Variants in TRMT11 observed in about 807,000 individuals in gnomAD.
TRMT11 encodes the protein tRNA (guanine(10)-N(2))-methyltransferase TRMT11.
TRMT11 carries 53 observed loss-of-function variants against 62.8 expected under a neutral mutation model. That is an observed-to-expected ratio of 0.84 (90% CI 0.68 to 1.06). The LOEUF (loss-of-function observed/expected upper bound fraction) is 1.06, where lower values mean the gene tolerates loss of function less well. TRMT11 is among the 50% of genes least tolerant of loss of function. The pLI is 0.00. For synonymous variants in TRMT11, 188 were observed against 190.3 expected, an observed-to-expected ratio of 0.99 and a Z score of 0.10; for missense variants, 556 against 553.4, an observed-to-expected ratio of 1.00 and a Z score of -0.05.
At chr6:126,198,303 T>TA (rs1444984760) in intron 1 of TRMT11, among the ~76,000 whole-genome samples, 1 of 152,158 alleles carries the variant, frequency 6.6e-6, no homozygotes, top group East Asian at 1.9e-4. Context: ...AAAACAAGCA[T>TA]AAGAACTACT....
At chr6:126,138,099 A>G (rs1044040735) in intron 21 of TRMT11, among the ~76,000 whole-genome samples, 1 of 151,930 alleles carries the variant, frequency 6.6e-6, no homozygotes, top group Admixed American at 6.6e-5. Context: ...CAAAATAGCT[A>G]GAAAAGAAGA....
intron 17 of TRMT11, among the ~76,000 whole-genome samples, chr6:126,067,885 C>T (rs945320170): frequency 6.6e-6 from 1 of 152,136 alleles, no homozygotes; most frequent in African/African-American, 2.4e-5. Flanking sequence ...GGTAGGTGTA[C>T]ACTACTTTTG....
chr6:126,248,378 T>C, the TRMT11 span, among the ~76,000 whole-genome samples: 1 of 152,142 alleles, frequency 6.6e-6, no homozygotes, highest in Non-Finnish European at 1.5e-5. Context: ...AGCAACTTTC[T>C]CTCAAATTGT....
intron 17 of TRMT11, among the ~76,000 whole-genome samples, chr6:126,074,147 A>G (rs943150198): frequency 2.0e-5 from 3 of 152,204 alleles, no homozygotes; most frequent in Non-Finnish European, 4.4e-5. Flanking sequence ...TCTTTTGGAT[A>G]TTAATATTAG....
intron 16 of TRMT11, among the ~76,000 whole-genome samples, chr6:126,046,766 G>A (rs924142161): frequency 6.6e-6 from 1 of 152,146 alleles, no homozygotes; most frequent in Non-Finnish European, 1.5e-5. Flanking sequence ...CATGACCACA[G>A]GTCAACTTGT....
At chr6:126,063,193 T>G (rs529399750) in intron 17 of TRMT11, among the ~76,000 whole-genome samples, 203 of 152,348 alleles carry the variant, frequency 1.3e-3, no homozygotes, top group African/African-American at 4.7e-3. Flanking sequence ...TCTAGTGATA[T>G]GTATTTTATG....
At chr6:126,174,408 G>A (rs1221546994), upstream of TRMT11, among the ~76,000 whole-genome samples, 1 of 152,118 alleles carries the variant, frequency 6.6e-6, no homozygotes, top group African/African-American at 2.4e-5. Context: ...CATCTGCTGG[G>A]CTACCATGCC....
the TRMT11 span, among the ~76,000 whole-genome samples, chr6:126,226,609 A>T: frequency 6.6e-6 from 1 of 152,236 alleles, no homozygotes; most frequent in African/African-American, 2.4e-5. Flanking sequence ...TAATAGAATA[A>T]TGCTTTTTGG....
intron 17 of TRMT11, among the ~76,000 whole-genome samples, chr6:126,078,247 G>A (rs912833272): frequency 3.3e-5 from 5 of 152,148 alleles, no homozygotes; most frequent in South Asian, 2.1e-4. Flanking sequence ...AAATTTAGGC[G>A]AAAAGATAGC....
intron 17 of TRMT11, among the ~76,000 whole-genome samples, chr6:126,086,920 C>T (rs895995584): frequency 1.3e-5 from 2 of 152,120 alleles, no homozygotes; most frequent in Non-Finnish European, 2.9e-5. Flanking sequence ...CCCATAGCTC[C>T]CTGTGCATAC....
At chr6:126,210,827 C>T in the TRMT11 span, among the ~76,000 whole-genome samples, 4 of 152,182 alleles carry the variant, frequency 2.6e-5, no homozygotes, top group Non-Finnish European at 4.4e-5. Context: ...ATACCTTGCT[C>T]AACTTCATCC....
intron 21 of TRMT11, among the ~76,000 whole-genome samples, chr6:126,126,033 A>G (rs1245230843): frequency 6.6e-6 from 1 of 152,060 alleles, no homozygotes; most frequent in East Asian, 1.9e-4. Flanking sequence ...GCCTCCTTAG[A>G]TGGGCATGGT....
At chr6:126,148,741 A>G (rs1333609594) in intron 21 of TRMT11, among the ~76,000 whole-genome samples, 1 of 152,230 alleles carries the variant, frequency 6.6e-6, no homozygotes, top group Non-Finnish European at 1.5e-5. Flanking sequence ...TATAACCACT[A>G]GATTAGATTG....
chr6:126,033,476 C>T (rs537418527), intron 12 of TRMT11, among the ~76,000 whole-genome samples: 2 of 152,174 alleles, frequency 1.3e-5, no homozygotes, highest in Admixed American at 6.6e-5. Context: ...AATAAGGTCA[C>T]GTTTATATAC....
At chr6:126,075,698 G>T (rs1777002024) in intron 17 of TRMT11, among the ~76,000 whole-genome samples, 1 of 152,144 alleles carries the variant, frequency 6.6e-6, no homozygotes, top group Non-Finnish European at 1.5e-5. Context: ...AGGCTGCTGA[G>T]AAATGGTAAT....
chr6:126,051,156 C>T (rs1374929449), intron 16 of TRMT11, among the ~76,000 whole-genome samples: 1 of 152,102 alleles, frequency 6.6e-6, no homozygotes, highest in East Asian at 1.9e-4. Context: ...CCAAAGAGTG[C>T]ATAAAGCATA....
At chr6:126,185,995 T>C (rs1778522962) in intron 1 of TRMT11, among the ~76,000 whole-genome samples, 1 of 152,178 alleles carries the variant, frequency 6.6e-6, no homozygotes, top group Non-Finnish European at 1.5e-5. Flanking sequence ...ATGGCAACTC[T>C]AATTCAAGAT....
rs77604740 is a variant in TRMT11, at chr6:126,134,644, T to C, written c.*1823+18789T>C. On this transcript the variant is annotated intron_variant and NMD_transcript_variant, in intron 21 of 22. Transcript: ENST00000648977. ...TGACTGTATTGTAGATTAAATGGACTTAACATACCTTTAGAGAACATTTCA... is the reference window on the plus strand; with the variant it reads ...TGACTGTATTGTAGATTAAATGGACCTAACATACCTTTAGAGAACATTTCA... 5.1e-3 allele frequency among the ~76,000 whole-genome samples: 770 copies of C among 151,964 alleles called. 25 individuals are homozygous for C. In the East Asian group the frequency reaches 0.078, roughly 15 times the overall value.
At chr6:126,143,091 A>T (rs1777936991) in intron 21 of TRMT11, among the ~76,000 whole-genome samples, 1 of 152,094 alleles carries the variant, frequency 6.6e-6, no homozygotes, top group Non-Finnish European at 1.5e-5. Flanking sequence ...AGGAAAAAAA[A>T]GTTCTTAATA....
Sources: allele counts gnomAD v4.1 joint callset (sites outside exome capture counted in the v4.1 genomes callset), GRCh38; gene constraint gnomAD v4.1.1; transcripts MANE v1.5; gene names NCBI Gene and HGNC (gene_info 2026-07-23, HGNC 2026-07-21).